KY: variants seen among roughly 807,000 people sequenced by gnomAD.
KY encodes kyphoscoliosis peptidase.
In KY, 43 loss-of-function variants were observed where a neutral mutation model predicts 76.1. The observed-to-expected ratio is 0.57, with a 90% CI of 0.44 to 0.73. The LOEUF (loss-of-function observed/expected upper bound fraction) is 0.73, where lower values mean the gene tolerates loss of function less well. Among genes scored for constraint, KY ranks in the 30% least tolerant of loss-of-function variants. KY has a pLI of 0.00. For synonymous variants in KY, 277 were observed against 326.2 expected (o/e 0.85, Z 1.63); for missense variants, 722 against 828.9 (o/e 0.87, Z 1.58).
rs1434012252 is a variant in KY, at chr3:134,600,301, G to A, written c.*3278C>T. Among the ~76,000 whole-genome samples the A allele has an allele frequency of 6.6e-6, 1 of 152,210 alleles. No individual in the cohort carries two copies. Among genetic ancestry groups the A allele is most frequent in the African/African-American group, 2.4e-5 (1 of 41,452 alleles). On this transcript the variant is annotated 3_prime_UTR_variant, in exon 11 of 11. Transcript: ENST00000423778. ...CTGGGAAAACTTTTCTCCTTTTCAA[G>A]TCCTTTGAGAAGAGGATTTCACAAA... is the stretch of plus-strand genomic sequence containing the variant.
intron 3 of KY, among the ~76,000 whole-genome samples, chr3:134,636,249 T>C (rs1052394590): frequency 8.5e-5 from 13 of 152,246 alleles, no homozygotes; most frequent in Non-Finnish European, 1.8e-4. Context: ...TCTATGATCT[T>C]ATCAGTAGTG....
intron 3 of KY, among the ~76,000 whole-genome samples, chr3:134,636,092 A>G (rs1271997380): frequency 6.6e-6 from 1 of 152,248 alleles, no homozygotes; most frequent in East Asian, 1.9e-4. Context: ...ACTCAGATAC[A>G]TACATCTTTG....
At chr3:134,643,466 G>T in intron 2 of KY, 88 bp from the exon 3 acceptor site, 1 of 1,163,622 alleles carries the variant, frequency 8.6e-7, no homozygotes, top group Non-Finnish European at 1.3e-6. Flanking sequence ...TGCGGGAAAG[G>T]TGGGCTGGCG....
chr3:134,636,602 C>A (rs1473908373), intron 3 of KY, among the ~76,000 whole-genome samples: 1 of 152,194 alleles, frequency 6.6e-6, no homozygotes, highest in East Asian at 1.9e-4. Flanking sequence ...CAGCTGACAA[C>A]AAGCACATGA....
intron 2 of KY, among the ~76,000 whole-genome samples, chr3:134,643,807 C>T (rs1966078596): frequency 6.6e-6 from 1 of 151,800 alleles, no homozygotes; most frequent in African/African-American, 2.4e-5. Flanking sequence ...GGTCTTCTGA[C>T]TCCCAGTTGA....
At position 134,601,704 on chromosome 3, in the gene KY, C is replaced by T. The variant is rs902169481; in HGVS notation, c.*1875G>A. On this transcript the variant is annotated 3_prime_UTR_variant, in exon 11 of 11. Transcript: ENST00000423778. ...GCAGGACCTGCCCAGGACAGTTCAG[C>T]CCCCCAGGGGAGACACCCCTTTTGC... 2.6e-5 allele frequency among the ~76,000 whole-genome samples: 4 copies of T among 152,184 alleles called. No individual in the cohort carries two copies. Among genetic ancestry groups the T allele is most frequent in the Admixed American group, 6.5e-5 (1 of 15,286 alleles).
At chr3:134,623,200 C>T (rs889871219) in intron 6 of KY, among the ~76,000 whole-genome samples, 10 of 152,220 alleles carry the variant, frequency 6.6e-5, no homozygotes, top group African/African-American at 2.4e-4. Flanking sequence ...TCTGGCCACT[C>T]CCTGCTCTGT....
At chr3:134,644,382 T>G (rs537853664) in intron 2 of KY, among the ~76,000 whole-genome samples, 1 of 152,364 alleles carries the variant, frequency 6.6e-6, no homozygotes, top group African/African-American at 2.4e-5. Context: ...ACAGGCTTAC[T>G]TGCCCTCCCA....
intron 8 of KY, among the ~76,000 whole-genome samples, chr3:134,614,402 T>G (rs1961115889): frequency 6.6e-6 from 1 of 152,022 alleles, no homozygotes; most frequent in African/African-American, 2.4e-5. Flanking sequence ...AATGAAAACA[T>G]GGATGTAAGA....
intron 8 of KY, among the ~76,000 whole-genome samples, chr3:134,618,638 T>C (rs939344006): frequency 4.6e-5 from 7 of 151,268 alleles, no homozygotes; most frequent in Admixed American, 1.3e-4. Flanking sequence ...CCTGGCCATA[T>C]GCCCACTCCC....
At chr3:134,620,255 G>A (rs554030976) in intron 7 of KY, among the ~76,000 whole-genome samples, 34 of 152,352 alleles carry the variant, frequency 2.2e-4, no homozygotes, top group African/African-American at 8.2e-4. Flanking sequence ...GAACCTTGGA[G>A]ACTGCGCTGG....
In KY at chr3:134,604,599, G is replaced by T. The variant is rs1959122260; in HGVS notation, c.1091-125C>A. 2.5e-6 allele frequency: 2 copies of T among 788,140 alleles called. 1 individual carries two copies. The highest frequency in any genetic ancestry group is 3.6e-5 in the South Asian group (2 of 56,014). The allele number at this position is 788,140 out of a possible 1,614,324, so 48.8% of individuals were successfully genotyped here. A position where few individuals can be genotyped will look rare whatever the true frequency, so the allele number is the denominator to read the frequency against. ...CTTATAGAGCTTGTCTATTTCCACG[G>T]TGTTAATACTTTCACCACAGTCCAT... is the stretch of plus-strand genomic sequence containing the variant. On this transcript the variant is annotated intron_variant, in intron 10 of 10. Transcript: ENST00000423778.
At position 134,619,240 on chromosome 3, in the gene KY, C is replaced by T. The variant is rs1962142622; in HGVS notation, c.618G>A (p.Glu206=). 2 of 1,613,912 alleles carry T rather than the reference C, an allele frequency of 1.2e-6. No homozygotes were observed. Among genetic ancestry groups the T allele is most frequent in the South Asian group, 2.2e-5 (2 of 91,080 alleles). ...TGGGTTTGAAGGCTTGGCGGTCCTT[C>T]TCCTGAGCAGCTGCAATGTCATACT... ...HIEYDIAAAQ[E]KDRQAFKPTD... Residue 206 remains glutamate, a synonymous_variant, in exon 8 of 11, where the codon GAG becomes GAA. Coordinates refer to ENST00000423778, the MANE Select transcript of KY (RefSeq NM_178554.6).
chr3:134,650,933 C>T lies in KY; in HGVS notation c.28G>A (p.Val10Ile), dbSNP rs943325142. The T allele has an allele frequency of 1.9e-6, 3 of 1,613,256 alleles. No individual in the cohort carries two copies. The highest frequency in any genetic ancestry group is 2.7e-5 in the African/African-American group (2 of 74,924). Residue 10 changes from valine to isoleucine, a missense_variant, in exon 1 of 11, where the codon GTA becomes ATA. Transcript: ENST00000423778. The stretch of plus-strand genomic sequence containing the variant: ...ACGATCAGCAGCATGTCGATAGATA[C>T]AGCGTTGATGTCCTTCTTCAGCTCC... MELKKDINA[V>I]SIDMLLIVHS... is the part of the protein sequence containing the mutation.
At chr3:134,622,119 G>A (rs1008621867) in intron 6 of KY, among the ~76,000 whole-genome samples, 2 of 152,228 alleles carry the variant, frequency 1.3e-5, no homozygotes, top group African/African-American at 4.8e-5. Flanking sequence ...TAGTGGGAAT[G>A]TAAAATTGTG....
chr3:134,643,689 G>A (rs1232960695), intron 2 of KY, among the ~76,000 whole-genome samples: 1 of 152,166 alleles, frequency 6.6e-6, no homozygotes, highest in Non-Finnish European at 1.5e-5. Context: ...CCCAACTTTG[G>A]TGTCACCAGG....
chr3:134,619,271 G>A lies in KY; in HGVS notation c.593-6C>T, dbSNP rs746649222. 3.7e-6 allele frequency: 6 copies of A among 1,602,774 alleles called. No individual in the cohort carries two copies. The highest frequency in any genetic ancestry group is 5.1e-6 in the Non-Finnish European group (6 of 1,169,670). On this transcript the variant is annotated splice_polypyrimidine_tract_variant and splice_region_variant and intron_variant, in intron 7 of 10. Transcript: ENST00000423778. Reference sequence around the variant, plus strand: ...AGCAGCTGCAATGTCATACTCTATAGGGCAGGTGAGGGGATCATGAAGAGC... The same window carrying A: ...AGCAGCTGCAATGTCATACTCTATAAGGCAGGTGAGGGGATCATGAAGAGC...
rs1183798270 is a variant in KY, at chr3:134,610,320, C to T, written c.774G>A (p.Gly258=). 3.7e-6 allele frequency: 6 copies of T among 1,613,768 alleles called. No individual in the cohort carries two copies. The highest frequency in any genetic ancestry group is 3.4e-6 in the Non-Finnish European group (4 of 1,179,874). Residue 258 remains glycine (G), a synonymous_variant, in exon 9 of 11, where the codon GGG becomes GGA. Transcript: ENST00000423778. ...GGTCAAACTCCCCCGAGAAGCTCTG[C>T]CCTGTCTGGTAGCCGAAACCCTTGG... ...GYSKGFGYQT[G]QSFSGEFDHA...
intron 5 of KY, among the ~76,000 whole-genome samples, chr3:134,625,932 T>C (rs1300461232): frequency 6.6e-6 from 1 of 152,266 alleles, no homozygotes; most frequent in African/African-American, 2.4e-5. Context: ...CCAGCAATCA[T>C]GCAAGCTTCC....
Sources: allele counts gnomAD v4.1 joint callset (sites outside exome capture counted in the v4.1 genomes callset), GRCh38; gene constraint gnomAD v4.1.1; transcripts MANE v1.5; gene names NCBI Gene and HGNC (gene_info 2026-07-23, HGNC 2026-07-21).